Variants in OTUD7A observed in about 807,000 individuals in gnomAD.
OTUD7A encodes the protein OTU deubiquitinase 7A, also known as OTU domain-containing protein 7A.
OTUD7A carries 12 observed loss-of-function variants against 65.7 expected under a neutral mutation model. The observed-to-expected ratio is 0.18, with a 90% CI of 0.12 to 0.30. OTUD7A has a LOEUF of 0.30. Among genes scored for constraint, OTUD7A ranks in the 10% least tolerant of loss-of-function variants. The pLI, the probability that OTUD7A is intolerant of heterozygous loss-of-function variation, is 1.00. For synonymous variants in OTUD7A, 641 were observed against 586.3 expected (o/e 1.09, Z -1.35); for missense variants, 1,148 against 1,304.8 (o/e 0.88, Z 1.85).
At chr15:31,780,667 G>C (rs1281569434) in intron 1 of OTUD7A, among the ~76,000 whole-genome samples, 2 of 152,242 alleles carry the variant, frequency 1.3e-5, no homozygotes, top group Non-Finnish European at 2.9e-5. Flanking sequence ...TATTGAAAGA[G>C]ATCTTCTTTA....
At chr15:31,534,777 G>A (rs1189563159) in intron 5 of OTUD7A, among the ~76,000 whole-genome samples, 2 of 152,174 alleles carry the variant, frequency 1.3e-5, no homozygotes, top group Non-Finnish European at 2.9e-5. Flanking sequence ...ATTGGTTCTG[G>A]GACCCCGCCG....
chr15:31,541,028 T>A (rs1310696828), intron 5 of OTUD7A, among the ~76,000 whole-genome samples: 1 of 152,196 alleles, frequency 6.6e-6, no homozygotes, highest in South Asian at 2.1e-4. Context: ...AGGGAGACAG[T>A]GAATTGGAAA....
At chr15:31,789,059 C>A (rs573549104) in intron 1 of OTUD7A, among the ~76,000 whole-genome samples, 25 of 152,148 alleles carry the variant, frequency 1.6e-4, no homozygotes, top group Non-Finnish European at 2.2e-4. Context: ...AGATCTCTGG[C>A]ATCACTAAAG....
At chr15:31,663,989 C>A (rs1041890660) in intron 1 of OTUD7A, among the ~76,000 whole-genome samples, 1 of 152,204 alleles carries the variant, frequency 6.6e-6, no homozygotes, top group Non-Finnish European at 1.5e-5. Context: ...CAGGTCACTG[C>A]AAATGATGTT....
chr15:31,860,684 T>TATATATAC, intron 1 of OTUD7A, among the ~76,000 whole-genome samples: 1 of 126,356 alleles, frequency 7.9e-6, no homozygotes, highest in African/African-American at 2.9e-5. Flanking sequence ...TGTGTATATA[T>TATATATAC]ATATATATAT....
At position 31,484,821 on chromosome 15, in the gene OTUD7A, A is replaced by AG; in HGVS notation, c.1372-98dup. ...ACCTTGCCCCTGTGTTGCCGAGGCT[A>AG]GGGCCCTGGACCTTCACTGTCCCAG... is the stretch of plus-strand genomic sequence containing the variant. On this transcript the variant is annotated intron_variant, in intron 12 of 12. Coordinates refer to ENST00000307050, the MANE Select transcript of OTUD7A (RefSeq NM_001382637.1). This position sits in a 1 kb window ranked among gnomAD's most constrained non-coding sequence, Gnocchi z 4.5. The AG allele has an allele frequency of 6.7e-7, 1 of 1,494,234 alleles. No homozygotes were observed. Among genetic ancestry groups the AG allele is most frequent in the South Asian group, 1.3e-5 (1 of 75,494 alleles). The allele number at this position is 1,494,234 out of a possible 1,614,324, so 92.6% of individuals were successfully genotyped here. A position where few individuals can be genotyped will look rare whatever the true frequency, so the allele number is the denominator to read the frequency against.
intron 7 of OTUD7A, 74 bp downstream of exon 7, chr15:31,527,107 C>T (rs2042025239): frequency 1.3e-6 from 2 of 1,585,236 alleles, no homozygotes; most frequent in East Asian, 2.2e-5. Context: ...GGAGGCCATG[C>T]TGTGGACTCG....
rs373638011 is a variant in OTUD7A, at chr15:31,745,448, C to T, written c.-99-88371G>A. 4.6e-5 allele frequency among the ~76,000 whole-genome samples: 7 copies of T among 152,216 alleles called. No individual in the cohort carries two copies. The East Asian group carries it at 1.2e-3, about 25-fold the overall frequency. ...GACAAGGTAATTCAGAGGTAGAAGG[C>T]CTCAGCAGAGGTTGCTGGGAATAGC... On this transcript the variant is annotated intron_variant, in intron 1 of 12. Coordinates refer to ENST00000307050, the MANE Select transcript of OTUD7A (RefSeq NM_001382637.1).
intron 1 of OTUD7A, among the ~76,000 whole-genome samples, chr15:31,832,344 A>T (rs2140984596): frequency 6.6e-6 from 1 of 152,350 alleles, no homozygotes; most frequent in South Asian, 2.1e-4. Context: ...GGCCCATCAC[A>T]ACACTACATC....
intron 1 of OTUD7A, chr15:31,765,870 T>C: frequency 2.3e-6 from 3 of 1,283,966 alleles, no homozygotes; most frequent in Non-Finnish European, 3.4e-6. Context: ...TATCAAAGGA[T>C]ATTCCTTCTG....
chr15:31,619,188 T>C (rs1044251687), intron 3 of OTUD7A, among the ~76,000 whole-genome samples: 12 of 152,336 alleles, frequency 7.9e-5, no homozygotes, highest in African/African-American at 2.6e-4. Flanking sequence ...CCTTGTAGTA[T>C]GGTTTGAAGT....
chr15:31,815,488 C>T (rs939562887), intron 1 of OTUD7A, among the ~76,000 whole-genome samples: 1 of 152,244 alleles, frequency 6.6e-6, no homozygotes, highest in South Asian at 2.1e-4. Context: ...CAGCAAGGAA[C>T]GAGCTCAAGG....
In OTUD7A at chr15:31,647,409, C is replaced by T. The variant is rs138264152; in HGVS notation, c.151+7687G>A. Among the ~76,000 whole-genome samples the T allele has an allele frequency of 4.9e-4, 74 of 152,326 alleles. No homozygotes were observed. In the East Asian group the frequency reaches 0.013, roughly 27 times the overall value. On this transcript the variant is annotated intron_variant, in intron 3 of 12. Coordinates refer to ENST00000307050, the MANE Select transcript of OTUD7A (RefSeq NM_001382637.1). ...GATGAATTATAAAATAAGGCACAAC[C>T]AAACACAAGCTGCAGCAGAAGTCCA...
At chr15:31,546,754 C>T (rs1015987710) in intron 5 of OTUD7A, among the ~76,000 whole-genome samples, 6 of 152,176 alleles carry the variant, frequency 3.9e-5, no homozygotes, top group Non-Finnish European at 8.8e-5. Context: ...ATTTGTAATA[C>T]ATGTATATAC....
intron 1 of OTUD7A, among the ~76,000 whole-genome samples, chr15:31,755,374 C>T (rs1340719968): frequency 6.6e-6 from 1 of 152,040 alleles, no homozygotes; most frequent in Non-Finnish European, 1.5e-5. Flanking sequence ...CCATTAGTAT[C>T]AGATAGGAAG....
chr15:31,657,831 A>G (rs145684734), intron 1 of OTUD7A, among the ~76,000 whole-genome samples: 3 of 152,164 alleles, frequency 2.0e-5, no homozygotes, highest in African/African-American at 4.8e-5. Flanking sequence ...TGTGCCTCTC[A>G]ACCTGCCTTG....
intron 1 of OTUD7A, among the ~76,000 whole-genome samples, chr15:31,861,906 G>A (rs896758532): frequency 2.1e-4 from 32 of 152,198 alleles, no homozygotes; most frequent in African/African-American, 7.5e-4. Context: ...ACACCCCTGT[G>A]TCCTTCACCA....
chr15:31,730,981 C>T (rs947186251), intron 1 of OTUD7A, among the ~76,000 whole-genome samples: 2 of 152,180 alleles, frequency 1.3e-5, no homozygotes, highest in Admixed American at 6.5e-5. Flanking sequence ...ACAAAATATA[C>T]GTACAAAATA....
chr15:31,824,668 C>G (rs1357730856), intron 1 of OTUD7A, among the ~76,000 whole-genome samples: 1 of 152,150 alleles, frequency 6.6e-6, no homozygotes, highest in Non-Finnish European at 1.5e-5. Flanking sequence ...ACATCCGCTC[C>G]CTTCACCCAG....
Sources: gnomAD v4.1 joint callset for allele counts (sites outside exome capture counted in the v4.1 genomes callset) on GRCh38, gnomAD v4.1.1 for gene constraint, Gnocchi (gnomAD v3.1) non-coding constraint, MANE v1.5 for transcripts, NCBI Gene and HGNC (gene_info 2026-07-23, HGNC 2026-07-21) for gene names.